Variants in STK32B observed in about 807,000 individuals in gnomAD.
STK32B encodes serine/threonine kinase 32B.
A neutral mutation model predicts 52.6 loss-of-function variants in STK32B; 43 were observed. The ratio of observed to expected loss-of-function variants is 0.82; its 90% CI spans 0.64 to 1.05. STK32B has a LOEUF of 1.05. STK32B is among the 50% of genes least tolerant of loss of function. The pLI is 0.00. For missense variants in STK32B, 621 were observed against 534.6 expected, an observed-to-expected ratio of 1.16 and a Z score of -1.59; for synonymous variants, 238 against 204.3, an observed-to-expected ratio of 1.17 and a Z score of -1.41.
intron 11 of STK32B, among the ~76,000 whole-genome samples, chr4:5,492,532 T>C (rs961633766): frequency 1.3e-5 from 2 of 151,780 alleles, no homozygotes; most frequent in African/African-American, 4.9e-5. Flanking sequence ...GAGGGACAAT[T>C]TGACTTCCTC....
the STK32B span, among the ~76,000 whole-genome samples, chr4:5,034,223 G>A: frequency 2.0e-5 from 3 of 152,192 alleles, no homozygotes; most frequent in Non-Finnish European, 4.4e-5. Context: ...AGCAGCCACT[G>A]CGTCTCTTGC....
chr4:5,310,685 C>T (rs1730236986), intron 3 of STK32B, among the ~76,000 whole-genome samples: 1 of 152,092 alleles, frequency 6.6e-6, no homozygotes, highest in African/African-American at 2.4e-5. Context: ...AATCCCACTA[C>T]TAGGTATATA....
intron 3 of STK32B, among the ~76,000 whole-genome samples, chr4:5,291,088 A>T (rs950404004): frequency 6.6e-6 from 1 of 152,134 alleles, no homozygotes; most frequent in Non-Finnish European, 1.5e-5. Context: ...TGTCTTCGTT[A>T]CTATAACATT....
chr4:5,306,605 A>C (rs1200273351), intron 3 of STK32B, among the ~76,000 whole-genome samples: 1 of 152,158 alleles, frequency 6.6e-6, no homozygotes, highest in Non-Finnish European at 1.5e-5. Context: ...GCCATTCTGT[A>C]TCTCTTAAAT....
intron 3 of STK32B, among the ~76,000 whole-genome samples, chr4:5,284,220 A>AT (rs1728399076): frequency 1.3e-5 from 2 of 152,198 alleles, no homozygotes; most frequent in African/African-American, 4.8e-5. Context: ...AAGCAAAAAA[A>AT]CTGTAGTAGC....
chr4:5,316,929 AATAT>A (rs1362429417), intron 3 of STK32B, among the ~76,000 whole-genome samples: 1 of 9,312 alleles, frequency 1.1e-4, no homozygotes, highest in Non-Finnish European at 1.4e-4. Flanking sequence ...TAATATATAT[AATAT>A]ATATAATATA....
intron 7 of STK32B, 188 bp downstream of exon 7, chr4:5,446,964 T>C: frequency 1.8e-6 from 1 of 565,892 alleles, no homozygotes; most frequent in Non-Finnish European, 3.2e-6. Context: ...TCCAACCCAC[T>C]CATTGTACAG....
chr4:5,446,514 G>A (rs367968030), intron 6 of STK32B, among the ~76,000 whole-genome samples, 159 bp from the exon 7 acceptor site: 10 of 149,242 alleles, frequency 6.7e-5, no homozygotes, highest in Non-Finnish European at 1.5e-4. Context: ...CCGACATTGC[G>A]CCATTATGTG....
At chr4:5,186,467 C>T (rs2108758741) in intron 3 of STK32B, among the ~76,000 whole-genome samples, 1 of 152,330 alleles carries the variant, frequency 6.6e-6, no homozygotes, top group South Asian at 2.1e-4. Flanking sequence ...CAGTTCCTCC[C>T]TGTCTTACAG....
intron 11 of STK32B, among the ~76,000 whole-genome samples, chr4:5,475,211 G>A (rs1718145298): frequency 6.6e-6 from 1 of 151,982 alleles, no homozygotes; most frequent in Non-Finnish European, 1.5e-5. Context: ...CACGAGGTCA[G>A]GAGTTCAAGA....
intron 2 of STK32B, among the ~76,000 whole-genome samples, chr4:5,140,476 T>G (rs1425829486): frequency 6.6e-6 from 1 of 152,220 alleles, no homozygotes. Context: ...TGAGTACCTA[T>G]TGAATGCCAG....
chr4:5,147,677 A>G (rs1417325364), intron 2 of STK32B, among the ~76,000 whole-genome samples: 2 of 151,996 alleles, frequency 1.3e-5, no homozygotes, highest in African/African-American at 2.4e-5. Context: ...GGTTGAAATG[A>G]TCATATTTTT....
the STK32B span, among the ~76,000 whole-genome samples, chr4:5,036,713 G>A: frequency 7.2e-6 from 1 of 138,974 alleles, no homozygotes; most frequent in Admixed American, 7.8e-5. Context: ...TGTCATCCAG[G>A]CTGGAGTGCC....
intron 1 of STK32B, among the ~76,000 whole-genome samples, chr4:5,078,684 G>T (rs1362986990): frequency 1.3e-5 from 2 of 152,144 alleles, no homozygotes; most frequent in Non-Finnish European, 2.9e-5. Flanking sequence ...GACTGATGGA[G>T]CACCCTCCAT....
At chr4:5,191,975 C>G (rs1721243671) in intron 3 of STK32B, among the ~76,000 whole-genome samples, 1 of 152,222 alleles carries the variant, frequency 6.6e-6, no homozygotes, top group African/African-American at 2.4e-5. Context: ...CTCACCTTCC[C>G]TGTCCAACCA....
chr4:5,207,994 A>G (rs1220990621), intron 3 of STK32B, among the ~76,000 whole-genome samples: 9 of 152,146 alleles, frequency 5.9e-5, no homozygotes, highest in African/African-American at 1.9e-4. Context: ...GGCTGTATCT[A>G]TCAGTCAGGA....
At chr4:5,205,722 G>A (rs1485406085) in intron 3 of STK32B, among the ~76,000 whole-genome samples, 1 of 152,136 alleles carries the variant, frequency 6.6e-6, no homozygotes, top group East Asian at 1.9e-4. Context: ...GTGTGTGTGT[G>A]TGTGTGTGTG....
chr4:5,020,514 T>C, the STK32B span, among the ~76,000 whole-genome samples: 1 of 151,896 alleles, frequency 6.6e-6, no homozygotes, highest in Admixed American at 6.6e-5. Flanking sequence ...CAGAAAAGAG[T>C]CCCATTTTCC....
chr4:5,175,816 C>A (rs1465797534), intron 3 of STK32B, among the ~76,000 whole-genome samples: 1 of 152,250 alleles, frequency 6.6e-6, no homozygotes, highest in Non-Finnish European at 1.5e-5. Context: ...AGAACCACTA[C>A]TCTGTTCAAA....
Sources: gnomAD v4.1 joint callset for allele counts (sites outside exome capture counted in the v4.1 genomes callset) on GRCh38, gnomAD v4.1.1 for gene constraint, MANE v1.5 for transcripts, NCBI Gene and HGNC (gene_info 2026-07-23, HGNC 2026-07-21) for gene names.